NCF2: variants seen among roughly 807,000 people sequenced by gnomAD.
NCF2 encodes the protein neutrophil cytosol factor 2.
In NCF2, 45 loss-of-function variants were observed where a neutral mutation model predicts 70.9. That is an observed-to-expected ratio of 0.63 (90% CI 0.50 to 0.81). The LOEUF (loss-of-function observed/expected upper bound fraction) is 0.81, where lower values mean the gene tolerates loss of function less well. Ranked by LOEUF, NCF2 falls within the 40% of genes least tolerant of loss-of-function variation. NCF2 has a pLI of 0.00. For synonymous variants in NCF2, 203 were observed against 233.6 expected (o/e 0.87, Z 1.19); for missense variants, 522 against 631.6 (o/e 0.83, Z 1.86).
At chr1:183,573,424 G>A in intron 4 of NCF2, 132 bp from the exon 5 acceptor site, 1 of 874,690 alleles carries the variant, frequency 1.1e-6, no homozygotes, top group Non-Finnish European at 1.9e-6. Flanking sequence ...AATGAGTGTT[G>A]TCATTCCTCT....
chr1:183,564,819 T>C (rs1042662668), intron 10 of NCF2, among the ~76,000 whole-genome samples: 7 of 152,224 alleles, frequency 4.6e-5, no homozygotes, highest in Admixed American at 3.3e-4. Context: ...AATACTATCA[T>C]ATGAATGTTT....
intron 14 of NCF2, among the ~76,000 whole-genome samples, chr1:183,559,465 A>T (rs1324334681): frequency 3.3e-5 from 5 of 152,250 alleles, no homozygotes; most frequent in Admixed American, 3.3e-4. Context: ...GCAGAAGGTC[A>T]TACAGCTTGA....
In NCF2 at chr1:183,573,863, G is replaced by A. The variant is rs553559645; in HGVS notation, c.502-571C>T. Among the ~76,000 whole-genome samples, 14 of 152,370 alleles carry A rather than the reference G, an allele frequency of 9.2e-5. No homozygotes were observed. In the South Asian group the frequency reaches 2.9e-3, roughly 32 times the overall value. On this transcript the variant is annotated intron_variant, in intron 4 of 14. Transcript: ENST00000367535. ...CCTGCACTTTGGGAGGCCAAGGAGG[G>A]CAGATCACCTGAGGTCAGCAGTTCG...
chr1:183,571,515 C>T (rs972325747), intron 5 of NCF2, among the ~76,000 whole-genome samples: 1 of 152,206 alleles, frequency 6.6e-6, no homozygotes, highest in Non-Finnish European at 1.5e-5. Context: ...ATTTTCATCA[C>T]CTCAGAAGAA....
At position 183,564,733 on chromosome 1, in the gene NCF2, G is replaced by T. The variant is rs546630092; in HGVS notation, c.1001-703C>A. ...ATCCTTGATGAGCCTCTAGACAAAA[G>T]ATAACAACAAAAAACCTGTCAAGGA... On this transcript the variant is annotated intron_variant, in intron 10 of 14. Transcript: ENST00000367535. 3.3e-5 allele frequency among the ~76,000 whole-genome samples: 5 copies of T among 152,236 alleles called. No individual in the cohort carries two copies. The South Asian group carries it at 1.0e-3, about 32-fold the overall frequency.
intron 6 of NCF2, among the ~76,000 whole-genome samples, chr1:183,569,466 A>G (rs1183350474): frequency 1.3e-5 from 2 of 152,178 alleles, no homozygotes; most frequent in African/African-American, 4.8e-5. Flanking sequence ...ACACAGCAAC[A>G]TGGTGTCACA....
intron 14 of NCF2, 137 bp from the exon 15 acceptor site, chr1:183,556,367 G>T: frequency 1.3e-6 from 1 of 775,522 alleles, no homozygotes; most frequent in Non-Finnish European, 2.2e-6. Context: ...AGACAGTATT[G>T]CAAAGTGGTT....
intron 1 of NCF2, among the ~76,000 whole-genome samples, chr1:183,589,601 C>G (rs1487634618): frequency 6.6e-6 from 1 of 152,238 alleles, no homozygotes; most frequent in African/African-American, 2.4e-5. Flanking sequence ...GCAGACATCA[C>G]TAGTCAATCA....
At chr1:183,588,233 T>C (rs1226483601) in intron 1 of NCF2, among the ~76,000 whole-genome samples, 1 of 152,182 alleles carries the variant, frequency 6.6e-6, no homozygotes, top group Non-Finnish European at 1.5e-5. Flanking sequence ...ACAGAGCACC[T>C]TGTCCAGGAG....
In NCF2 at chr1:183,563,582, C is replaced by G. The variant is rs1209130595; in HGVS notation, c.1030G>C (p.Val344Leu). The change falls in exon 12 of 15, where the codon GTG becomes CTG. Residue 344 changes from valine (V) to leucine (L), a missense_variant. Val to Leu is a conservative substitution (Grantham distance 32, BLOSUM62 1). Coordinates refer to ENST00000367535, the MANE Select transcript of NCF2 (RefSeq NM_000433.4). ...GQKQKEEPKE[V>L]KLSVPMPYTL... ...TAGGGCATGGGAACACTGAGCTTCACTTCCTGAGTGGGGAGGAAACAAAGG... is the reference window on the plus strand; with the variant it reads ...TAGGGCATGGGAACACTGAGCTTCAGTTCCTGAGTGGGGAGGAAACAAAGG... The G allele has an allele frequency of 1.2e-6, 2 of 1,613,398 alleles. No individual in the cohort carries two copies. The highest frequency in any genetic ancestry group is 1.7e-6 in the Non-Finnish European group (2 of 1,180,024).
At chr1:183,566,236 C>T (rs998457086) in intron 9 of NCF2, among the ~76,000 whole-genome samples, 2 of 152,182 alleles carry the variant, frequency 1.3e-5, no homozygotes, top group African/African-American at 4.8e-5. Context: ...TAGAGACAGA[C>T]AGTCTCCACT....
Position 183,581,227 on chromosome 1 carries a change from A to C in NCF2, c.258-3520T>G, listed in dbSNP as rs185201474. ...AGCCCAGGAAGTCAAGACTGCAGTG[A>C]GACATGATTGCACCACTCCACTCCA... On this transcript the variant is annotated intron_variant, in intron 2 of 14. Transcript: ENST00000367535. Among the ~76,000 whole-genome samples, 213 of 145,362 alleles carry C rather than the reference A, an allele frequency of 1.5e-3. 4 individuals are homozygous for C. The highest frequency in any genetic ancestry group is 6.6e-3 in the Admixed American group (95 of 14,286).
Position 183,586,892 on chromosome 1 carries a change from T to C in NCF2, c.257+3A>G. On this transcript the variant is annotated splice_donor_region_variant and intron_variant, in intron 2 of 14. Coordinates refer to ENST00000367535, the MANE Select transcript of NCF2 (RefSeq NM_000433.4). Reference sequence around the variant, plus strand: ...CCAGTTGGTGCAACATTGAACCACTTACTTCTCTGTCTGGTAGTAGAGCAT... The same window carrying C: ...CCAGTTGGTGCAACATTGAACCACTCACTTCTCTGTCTGGTAGTAGAGCAT... 6.2e-7 allele frequency: 1 copy of C among 1,613,460 alleles called. No individual in the cohort carries two copies. Among genetic ancestry groups the C allele is most frequent in the Non-Finnish European group, 8.5e-7 (1 of 1,179,404 alleles).
chr1:183,600,466 C>A, the NCF2 span, among the ~76,000 whole-genome samples: 2 of 152,230 alleles, frequency 1.3e-5, no homozygotes, highest in Non-Finnish European at 2.9e-5. Context: ...CAATTCAAAA[C>A]AAGCTCTCAA....
chr1:183,601,797 G>T, the NCF2 span, among the ~76,000 whole-genome samples: 1 of 151,138 alleles, frequency 6.6e-6, no homozygotes, highest in South Asian at 2.1e-4. Flanking sequence ...GGCGGAGCTT[G>T]CAGTGAGCCA....
intron 1 of NCF2, 151 bp downstream of exon 1, chr1:183,590,005 G>T: frequency 8.2e-7 from 1 of 1,226,808 alleles, no homozygotes; most frequent in East Asian, 2.3e-5. Flanking sequence ...GCCCCTCCCA[G>T]ACCAGTTAAA....
chr1:183,577,595 T>G lies in NCF2; in HGVS notation c.366+4A>C. The G allele has an allele frequency of 6.2e-7, 1 of 1,604,012 alleles. No individual in the cohort carries two copies. Among genetic ancestry groups the G allele is most frequent in the Middle Eastern group, 1.7e-4 (1 of 6,040 alleles). ...CTGCCCAGGCCAGGCCCTGTTCTCC[T>G]TACCTCACAGGCAAACAGCTTGAAC... is the stretch of plus-strand genomic sequence containing the variant. On this transcript the variant is annotated splice_donor_region_variant and intron_variant, in intron 3 of 14. Coordinates refer to ENST00000367535, the MANE Select transcript of NCF2 (RefSeq NM_000433.4).
Position 183,560,107 on chromosome 1 carries a change from A to G in NCF2, c.1457T>C (p.Val486Ala), listed in dbSNP as rs762733492. The G allele has an allele frequency of 1.9e-6, 3 of 1,614,078 alleles. No homozygotes were observed. Among genetic ancestry groups the G allele is most frequent in the Non-Finnish European group, 2.5e-6 (3 of 1,179,968 alleles). The change falls in exon 14 of 15, where the codon GTG (valine) becomes GCG (alanine). Residue 486 changes from valine to alanine, a missense_variant. By Grantham distance (64) the Val-to-Ala change is moderately conservative. Transcript: ENST00000367535. ...GGAGTAGCACTTACCCTTTGATAACACCAGGATTATATCCCCTTCCTGAAA... is the reference window on the plus strand; with the variant it reads ...GGAGTAGCACTTACCCTTTGATAACGCCAGGATTATATCCCCTTCCTGAAA... Reference protein sequence around the residue: ...LEFQEGDIILVLSKVNEEWLE... With the variant: ...LEFQEGDIILALSKVNEEWLE...
chr1:183,597,354 C>T, the NCF2 span, among the ~76,000 whole-genome samples: 9 of 152,162 alleles, frequency 5.9e-5, no homozygotes, highest in Non-Finnish European at 1.3e-4. Context: ...GATGCTCTAA[C>T]AAGACAGTTA....
Sources: gnomAD v4.1 joint callset for allele counts (sites outside exome capture counted in the v4.1 genomes callset) on GRCh38, gnomAD v4.1.1 for gene constraint, MANE v1.5 for transcripts, NCBI Gene and HGNC (gene_info 2026-07-23, HGNC 2026-07-21) for gene names.